The following PRH1 variants were observed in gnomAD, a reference collection of about 807,000 sequenced individuals.
PRH1 encodes the protein proline rich protein HaeIII subfamily 1, also known as salivary acidic proline-rich phosphoprotein 1/2.
A neutral mutation model predicts 7.9 loss-of-function variants in PRH1; 7 were observed. That is an observed-to-expected ratio of 0.89 (90% CI 0.50 to 1.67). PRH1 has a LOEUF of 1.67. Ranked by LOEUF, PRH1 falls within the 40% of genes most tolerant of loss-of-function variation. The pLI is 0.00. For synonymous variants in PRH1, 45 were observed against 80.8 expected (o/e 0.56, Z 2.38); for missense variants, 109 against 223.6 (o/e 0.49, Z 3.27).
At chr12:10,894,901 C>CT (rs1468403624) in intron 2 of PRH1, 6 of 152,078 alleles carry the variant, frequency 3.9e-5, no homozygotes, top group Non-Finnish European at 7.4e-5. Context: ...GTTCTTCTTC[C>CT]TTTTTTTCTT....
At chr12:11,125,990 AT>A (rs1253142339) in intron 1 of PRH1, among the ~76,000 whole-genome samples, 1 of 15,360 alleles carries the variant, frequency 6.5e-5, no homozygotes, top group Non-Finnish European at 2.1e-4. Flanking sequence ...GTCTACAAGA[AT>A]GTTTTTTCAG....
At chr12:10,929,467 A>T in intron 2 of PRH1, 2 of 1,117,088 alleles carry the variant, frequency 1.8e-6, no homozygotes, top group Non-Finnish European at 2.6e-6. Flanking sequence ...CATGCCAAGG[A>T]TCAGAAGACC....
At chr12:11,041,136 C>A (rs1056605955) in intron 1 of PRH1, among the ~76,000 whole-genome samples, 10 of 145,066 alleles carry the variant, frequency 6.9e-5, no homozygotes, top group Non-Finnish European at 1.2e-4. Context: ...ATGGACTAAA[C>A]TCTCCAATCA....
At chr12:10,945,460 C>T (rs1330862865) in intron 2 of PRH1, among the ~76,000 whole-genome samples, 1 of 152,068 alleles carries the variant, frequency 6.6e-6, no homozygotes, top group Non-Finnish European at 1.5e-5. Flanking sequence ...GCCATAAAAC[C>T]AGCAAGTTCT....
intron 1 of PRH1, among the ~76,000 whole-genome samples, chr12:11,146,877 G>C (rs1946877246): frequency 6.6e-6 from 1 of 152,066 alleles, no homozygotes; most frequent in African/African-American, 2.4e-5. Context: ...TGCACAAAAA[G>C]TAAATTACCT....
intron 2 of PRH1, among the ~76,000 whole-genome samples, chr12:10,959,089 G>C (rs1229167): frequency 6.6e-6 from 1 of 152,116 alleles, no homozygotes; most frequent in Non-Finnish European, 1.5e-5. Flanking sequence ...GGATTCTGTA[G>C]GTTTTTGAGG....
intron 1 of PRH1, among the ~76,000 whole-genome samples, chr12:11,009,934 T>C (rs11054160): frequency 0.3 from 46,252 of 151,806 alleles, 8,924 homozygotes; most frequent in East Asian, 0.74. Flanking sequence ...CCAAGCGAGA[T>C]AGAGAAGATG....
intron 1 of PRH1, among the ~76,000 whole-genome samples, chr12:11,076,437 T>A (rs9697472): frequency 0.33 from 36,239 of 111,146 alleles, 2,036 homozygotes; most frequent in East Asian, 0.49. Flanking sequence ...TTTTTTAAGA[T>A]AGAGAATATT....
chr12:11,002,685 A>G (rs1308906552), intron 1 of PRH1, among the ~76,000 whole-genome samples: 2 of 152,118 alleles, frequency 1.3e-5, no homozygotes, highest in African/African-American at 2.4e-5. Context: ...ATTTTACTAT[A>G]GCAGTCAAAG....
At chr12:10,892,857 T>C (rs1949594375) in intron 2 of PRH1, among the ~76,000 whole-genome samples, 1 of 152,156 alleles carries the variant, frequency 6.6e-6, no homozygotes. Context: ...TAATCAGCAA[T>C]TGGTGAAGGA....
At chr12:10,902,359 T>C (rs922484228) in intron 2 of PRH1, among the ~76,000 whole-genome samples, 1 of 151,924 alleles carries the variant, frequency 6.6e-6, no homozygotes. Flanking sequence ...CTTAGAGCAA[T>C]ATGGGATTAT....
At chr12:11,089,001 C>T (rs1172821684) in intron 1 of PRH1, among the ~76,000 whole-genome samples, 1 of 115,910 alleles carries the variant, frequency 8.6e-6, no homozygotes, top group African/African-American at 2.9e-5. Context: ...ACACAAGTCC[C>T]TATAAGCACA....
At chr12:10,997,062 GAT>G (rs776268852) in intron 1 of PRH1, 1 of 1,613,998 alleles carries the variant, frequency 6.2e-7, no homozygotes, top group South Asian at 1.1e-5. Context: ...TGGAATGATG[GAT>G]ATATGATTCC....
intron 1 of PRH1, among the ~76,000 whole-genome samples, chr12:11,066,569 T>TA (rs1334631637): frequency 1.5e-5 from 1 of 65,516 alleles, no homozygotes; most frequent in East Asian, 4.4e-4. Flanking sequence ...GATGGTCTTT[T>TA]AAAAATTACT....
rs202165116 is a variant in PRH1, at chr12:11,030,626, A to G, written c.-126+16394T>C. The G allele has an allele frequency of 2.3e-4, 374 of 1,614,232 alleles. 1 individual carries two copies. The African/African-American group carries it at 4.5e-3, about 19-fold the overall frequency. Reference sequence around the variant, plus strand: ...TATGGACAGAAAGTAAACGGCACATAACAAGAGGAAAAAGATCACAGTTTG... The same window carrying G: ...TATGGACAGAAAGTAAACGGCACATGACAAGAGGAAAAAGATCACAGTTTG... On this transcript the variant is annotated intron_variant, in intron 1 of 3. Transcript: ENST00000539853.
At chr12:10,911,422 C>T (rs1949897987) in intron 2 of PRH1, among the ~76,000 whole-genome samples, 1 of 152,168 alleles carries the variant, frequency 6.6e-6, no homozygotes, top group Non-Finnish European at 1.5e-5. Context: ...GATGTAGTCT[C>T]TCACTTCTAT....
At chr12:10,982,435 T>A (rs2135973123) in intron 1 of PRH1, among the ~76,000 whole-genome samples, 1 of 152,354 alleles carries the variant, frequency 6.6e-6, no homozygotes, top group African/African-American at 2.4e-5. Context: ...GGATGTGGTA[T>A]CTTCACTGAG....
At chr12:10,956,708 A>G (rs1937981488) in intron 2 of PRH1, among the ~76,000 whole-genome samples, 1 of 152,182 alleles carries the variant, frequency 6.6e-6, no homozygotes, top group Admixed American at 6.5e-5. Context: ...CTGATAAACA[A>G]ACTCAGCAAA....
intron 1 of PRH1, among the ~76,000 whole-genome samples, chr12:11,004,599 AT>A (rs1940744389): frequency 6.6e-6 from 1 of 152,122 alleles, no homozygotes; most frequent in East Asian, 1.9e-4. Flanking sequence ...ATCACTCTTA[AT>A]TCTATGACTA....
Sources: gnomAD v4.1 joint callset for allele counts (sites outside exome capture counted in the v4.1 genomes callset) on GRCh38, gnomAD v4.1.1 for gene constraint, MANE v1.5 for transcripts, NCBI Gene and HGNC (gene_info 2026-07-23, HGNC 2026-07-21) for gene names.